Variants in GAS7 observed in about 807,000 individuals in gnomAD.
The protein encoded by GAS7 is growth arrest-specific protein 7.
GAS7 carries 28 observed loss-of-function variants against 71.1 expected under a neutral mutation model. The observed-to-expected ratio is 0.39, with a 90% confidence interval of 0.29 to 0.54. GAS7 has a LOEUF of 0.54. GAS7 is among the 20% of genes least tolerant of loss of function. GAS7 has a pLI of 0.62. For synonymous variants in GAS7, 258 were observed against 245.8 expected (o/e 1.05, Z -0.46); for missense variants, 436 against 627.8 (o/e 0.69, Z 3.27).
At chr17:9,972,548 A>T (rs2070012782) in intron 3 of GAS7, among the ~76,000 whole-genome samples, 1 of 152,254 alleles carries the variant, frequency 6.6e-6, no homozygotes, top group Non-Finnish European at 1.5e-5. Flanking sequence ...AATTTAATTT[A>T]AAAGGCTGAT....
At chr17:10,021,310 G>C (rs1463108857) in intron 1 of GAS7, among the ~76,000 whole-genome samples, 3 of 152,156 alleles carry the variant, frequency 2.0e-5, no homozygotes, top group Admixed American at 2.0e-4. Flanking sequence ...CAAGATAACA[G>C]AATGAAAGAG....
At chr17:10,069,567 T>C (rs2073318779) in intron 1 of GAS7, among the ~76,000 whole-genome samples, 1 of 152,236 alleles carries the variant, frequency 6.6e-6, no homozygotes, top group African/African-American at 2.4e-5. Flanking sequence ...GAGTCAACTA[T>C]GCCTTAGAGA....
rs760309697 is a variant in GAS7, at chr17:10,129,188, G to A, written c.183+69020C>T. 4.6e-5 allele frequency among the ~76,000 whole-genome samples: 7 copies of A among 152,076 alleles called. No homozygotes were observed. The East Asian group carries it at 7.7e-4, about 17-fold the overall frequency. ...ATGAAGCTGGACTCCTTGCTCACAC[G>A]GCATACAATTAACTCAAAATGGATC... On this transcript the variant is annotated intron_variant, in intron 1 of 13. Transcript: ENST00000432992.
intron 1 of GAS7, among the ~76,000 whole-genome samples, chr17:10,084,026 T>C (rs900692749): frequency 3.3e-5 from 5 of 152,150 alleles, no homozygotes; most frequent in African/African-American, 4.8e-5. Flanking sequence ...TGCCCCTGCC[T>C]ACCTAGGCAT....
At chr17:10,050,281 G>T (rs565315989) in intron 1 of GAS7, among the ~76,000 whole-genome samples, 2 of 152,166 alleles carry the variant, frequency 1.3e-5, no homozygotes, top group Admixed American at 1.3e-4. Context: ...ACAGTTGGTG[G>T]GGTGGGGGGG....
intron 2 of GAS7, among the ~76,000 whole-genome samples, chr17:10,001,021 A>AAACC (rs1262233897): frequency 1.3e-5 from 2 of 152,010 alleles, no homozygotes; most frequent in Admixed American, 6.5e-5. Flanking sequence ...AAAAACAAAC[A>AAACC]AACAAACAAA....
intron 1 of GAS7, among the ~76,000 whole-genome samples, chr17:10,175,066 G>A (rs984589438): frequency 4.6e-5 from 7 of 152,094 alleles, no homozygotes; most frequent in South Asian, 2.1e-4. Flanking sequence ...GGCTGGTCTC[G>A]AAATCCTGGG....
At chr17:9,986,381 C>T (rs1199068791) in intron 2 of GAS7, among the ~76,000 whole-genome samples, 1 of 152,212 alleles carries the variant, frequency 6.6e-6, no homozygotes, top group African/African-American at 2.4e-5. Context: ...ACTACTCCTT[C>T]CATCCTTGCA....
intron 1 of GAS7, among the ~76,000 whole-genome samples, chr17:10,183,702 C>T (rs1380164541): frequency 2.0e-5 from 3 of 152,156 alleles, no homozygotes; most frequent in African/African-American, 7.2e-5. Context: ...ATTAGCCGGG[C>T]GTGGTGGCGG....
intron 2 of GAS7, among the ~76,000 whole-genome samples, chr17:10,003,543 C>A (rs2071354071): frequency 6.6e-6 from 1 of 152,220 alleles, no homozygotes; most frequent in African/African-American, 2.4e-5. Context: ...ATCCCTCTGG[C>A]AGACCACTCA....
At chr17:10,146,644 A>G (rs546220194) in intron 1 of GAS7, among the ~76,000 whole-genome samples, 1 of 152,174 alleles carries the variant, frequency 6.6e-6, no homozygotes, top group East Asian at 1.9e-4. Context: ...TTCAAAACTG[A>G]CCACCTCAGT....
chr17:10,094,276 C>G (rs1375218949), intron 1 of GAS7, among the ~76,000 whole-genome samples: 1 of 152,186 alleles, frequency 6.6e-6, no homozygotes, highest in Non-Finnish European at 1.5e-5. Flanking sequence ...CCTGGTATCT[C>G]CCTGAATGCA....
chr17:10,016,991 C>T (rs1360632143), intron 2 of GAS7, among the ~76,000 whole-genome samples: 2 of 136,952 alleles, frequency 1.5e-5, no homozygotes, highest in East Asian at 2.1e-4. Flanking sequence ...ATCAGCCGGG[C>T]GTGATGACAC....
At chr17:10,188,124 TC>T (rs1458982394) in intron 1 of GAS7, among the ~76,000 whole-genome samples, 5 of 151,964 alleles carry the variant, frequency 3.3e-5, no homozygotes, top group Non-Finnish European at 5.9e-5. Flanking sequence ...GCACCTGTAA[TC>T]CCAGCTACTC....
intron 1 of GAS7, among the ~76,000 whole-genome samples, chr17:10,181,069 C>CG (rs2074410705): frequency 3.9e-5 from 1 of 25,378 alleles, no homozygotes; most frequent in Non-Finnish European, 7.9e-5. Flanking sequence ...GGTGGCAGTG[C>CG]GGGGGTGGCG....
chr17:9,922,080 A>C (rs1362956356), intron 11 of GAS7, among the ~76,000 whole-genome samples: 1 of 152,176 alleles, frequency 6.6e-6, no homozygotes, highest in Non-Finnish European at 1.5e-5. Context: ...AATGGAGATA[A>C]CGATTGTACC....
At chr17:10,180,479 T>A (rs1010170504) in intron 1 of GAS7, among the ~76,000 whole-genome samples, 1 of 152,146 alleles carries the variant, frequency 6.6e-6, no homozygotes, top group African/African-American at 2.4e-5. Context: ...CCTGCCAAGA[T>A]GCCCACAAAT....
At chr17:10,010,507 G>A (rs533518329) in intron 2 of GAS7, among the ~76,000 whole-genome samples, 64 of 152,234 alleles carry the variant, frequency 4.2e-4, no homozygotes, top group African/African-American at 1.5e-3. Flanking sequence ...GGGTCAGAGA[G>A]TAAATATTTT....
At chr17:10,161,879 G>C (rs1362876022) in intron 1 of GAS7, among the ~76,000 whole-genome samples, 1 of 151,752 alleles carries the variant, frequency 6.6e-6, no homozygotes, top group Non-Finnish European at 1.5e-5. Context: ...CCTGGTTAAC[G>C]CGGTGAAACC....
Sources: gnomAD v4.1 joint callset for allele counts (sites outside exome capture counted in the v4.1 genomes callset) on GRCh38, gnomAD v4.1.1 for gene constraint, MANE v1.5 for transcripts, NCBI Gene and HGNC (gene_info 2026-07-23, HGNC 2026-07-21) for gene names.